ELOA: variants seen among roughly 807,000 people sequenced by gnomAD.
The protein encoded by ELOA is elongin A.
Under a neutral mutation model 85.2 loss-of-function variants are expected in ELOA, and 15 were observed. The observed-to-expected ratio is 0.18, with a 90% CI of 0.12 to 0.27. The LOEUF is 0.27. Ranked by LOEUF, ELOA falls within the 10% of genes least tolerant of loss-of-function variation. The probability of loss-of-function intolerance (pLI) is 1.00; values close to 1 mark genes in which losing one functional copy is unlikely to be tolerated. For missense variants in ELOA, 769 were observed against 952.7 expected (o/e 0.81, Z 2.54); for synonymous variants, 348 against 357.2 (o/e 0.97, Z 0.29).
rs1294615362 is a variant in ELOA at position 23,758,251 on chromosome 1, ATTTATTTATTTTTTTTTTTTT to A, written c.2257+1130_2257+1150del. 2.0e-3 allele frequency among the ~76,000 whole-genome samples: 96 copies of A among 48,566 alleles called. 2 individuals carry two copies. In the East Asian group the frequency reaches 0.033, roughly 17 times the overall value. 31.9% of individuals were successfully genotyped at this position (48,566 alleles called of 152,430 possible). ...TATATCTAATTGGGTCTTCCAATTTATTTATTTATTTTTTTTTTTTTTTTTTTTTTTTTTTTTTTGGAGACA... is the reference window on the plus strand; with the variant it reads ...TATATCTAATTGGGTCTTCCAATTTATTTTTTTTTTTTTTTTTTGGAGACA... On this transcript the variant is annotated intron_variant, in intron 10 of 10. Coordinates refer to ENST00000613537, the MANE Select transcript of ELOA (RefSeq NM_003198.3).
intron 10 of ELOA, among the ~76,000 whole-genome samples, chr1:23,758,421 C>T (rs1164826720): frequency 6.7e-6 from 1 of 148,736 alleles, no homozygotes; most frequent in African/African-American, 2.5e-5. Flanking sequence ...TTACAGGTGC[C>T]CGCCACTAAG....
intron 1 of ELOA, among the ~76,000 whole-genome samples, chr1:23,748,725 T>G (rs1225239473): frequency 1.3e-5 from 2 of 152,206 alleles, no homozygotes; most frequent in African/African-American, 4.8e-5. Context: ...TCAGAGTTGG[T>G]AAGTTTTGAT....
chr1:23,750,135 G>A (rs1274962957), intron 3 of ELOA, among the ~76,000 whole-genome samples, 187 bp downstream of exon 3: 6 of 146,228 alleles, frequency 4.1e-5, no homozygotes, highest in Non-Finnish European at 6.0e-5. Context: ...TTTCTATCAC[G>A]CAAAGACAAA....
At chr1:23,750,774 C>T in intron 3 of ELOA, 71 bp from the exon 4 acceptor site, 1 of 1,409,214 alleles carries the variant, frequency 7.1e-7, no homozygotes, top group Non-Finnish European at 9.5e-7. Context: ...TTGGTGAGTT[C>T]AGATTCTGTG....
Position 23,756,001 on chromosome 1 carries a change from C to T in ELOA, c.1950C>T (p.Phe650=), listed in dbSNP as rs374322858. 33 of 1,612,762 alleles carry T rather than the reference C, an allele frequency of 2.0e-5. No homozygotes were observed. The highest frequency in any genetic ancestry group is 1.6e-4 in the South Asian group (15 of 90,990). The part of the protein sequence containing the change: ...RLRVLTKNIQ[F]AHANKPKGRQ... Reference sequence around the variant, plus strand: ...GAGTACTAACAAAGAATATCCAGTTCGCACATGCCAATAAGCCCAAAGGTA... The same window carrying T: ...GAGTACTAACAAAGAATATCCAGTTTGCACATGCCAATAAGCCCAAAGGTA... The change falls in exon 8 of 11, where the codon TTC becomes TTT. Residue 650 remains phenylalanine, a synonymous_variant. Transcript: ENST00000613537.
At chr1:23,753,174 TA>T (rs1038244541) in intron 5 of ELOA, among the ~76,000 whole-genome samples, 2 of 152,168 alleles carry the variant, frequency 1.3e-5, no homozygotes, top group African/African-American at 4.8e-5. Context: ...ACTATCACCA[TA>T]ACATCAGATT....
chr1:23,754,621 A>G (rs926638979), intron 7 of ELOA, among the ~76,000 whole-genome samples, 161 bp downstream of exon 7: 205 of 152,324 alleles, frequency 1.3e-3, no homozygotes, highest in African/African-American at 4.2e-3. Flanking sequence ...CAAGCATGTT[A>G]TTAGCACTTG....
chr1:23,744,487 C>T (rs1239105190), intron 1 of ELOA, among the ~76,000 whole-genome samples: 1 of 147,184 alleles, frequency 6.8e-6, no homozygotes, highest in East Asian at 2.0e-4. Flanking sequence ...GAGTCTTGCT[C>T]TGGTCGCCCA....
chr1:23,745,345 A>G (rs1403476006), intron 1 of ELOA, among the ~76,000 whole-genome samples: 3 of 151,990 alleles, frequency 2.0e-5, no homozygotes, highest in Non-Finnish European at 4.4e-5. Flanking sequence ...ACTACCCACT[A>G]TTTGTTCTTT....
rs200810978 is a variant in ELOA, at chr1:23,756,057, C to T, written c.1972+34C>T. ...GACGGGAGAGCTGGGGGAGAACTGGCAGGATGAGTGTTCTGGTCAATAGCA... is the reference window on the plus strand; with the variant it reads ...GACGGGAGAGCTGGGGGAGAACTGGTAGGATGAGTGTTCTGGTCAATAGCA... On this transcript the variant is annotated intron_variant, in intron 8 of 10. Transcript: ENST00000613537. 7.9e-5 allele frequency: 127 copies of T among 1,603,466 alleles called. No individual in the cohort carries two copies. In the African/African-American group the frequency reaches 1.6e-3, roughly 21 times the overall value.
Position 23,751,640 on chromosome 1 carries a change from G to A in ELOA, c.1035G>A (p.Leu345=), listed in dbSNP as rs370318231. ...AATTGGACAAAAGCAAGCAAGGTCT[G>A]GACAGCTTTGACACAGGAAAAGGAG... ...KAKLDKSKQG[L]DSFDTGKGAG... Residue 345 remains leucine, a synonymous_variant, in exon 4 of 11, where the codon CTG becomes CTA. Transcript: ENST00000613537. 7 of 1,614,034 alleles carry A rather than the reference G, an allele frequency of 4.3e-6. No homozygotes were observed. The highest frequency in any genetic ancestry group is 5.9e-6 in the Non-Finnish European group (7 of 1,180,036).
At chr1:23,757,643 T>C (rs867926104) in intron 10 of ELOA, among the ~76,000 whole-genome samples, 5 of 151,964 alleles carry the variant, frequency 3.3e-5, no homozygotes, top group Admixed American at 6.6e-5. Context: ...GAACTACAGG[T>C]GCCCACCACC....
At chr1:23,753,230 TG>T (rs1644780374) in intron 5 of ELOA, among the ~76,000 whole-genome samples, 1 of 152,240 alleles carries the variant, frequency 6.6e-6, no homozygotes. Flanking sequence ...TTTGATGGCT[TG>T]GGTTTGAATC....
At chr1:23,755,445 A>T (rs1381581385) in intron 7 of ELOA, among the ~76,000 whole-genome samples, 1 of 152,128 alleles carries the variant, frequency 6.6e-6, no homozygotes. Context: ...AAGACCAAAA[A>T]ATTTTTGGGA....
intron 10 of ELOA, among the ~76,000 whole-genome samples, chr1:23,757,522 G>A (rs967472768): frequency 1.3e-5 from 2 of 152,072 alleles, no homozygotes; most frequent in African/African-American, 4.8e-5. Flanking sequence ...TTTTTGAGAT[G>A]GAGTCTCGCT....
intron 1 of ELOA, 62 bp from the exon 2 acceptor site, chr1:23,748,956 TTAA>T (rs1345760141): frequency 2.9e-6 from 4 of 1,371,758 alleles, no homozygotes; most frequent in Non-Finnish European, 4.2e-6. Context: ...CACTAAGCAC[TTAA>T]TAATCAGATA....
chr1:23,757,470 C>T (rs1338684419), intron 10 of ELOA, among the ~76,000 whole-genome samples: 2 of 152,268 alleles, frequency 1.3e-5, no homozygotes, highest in East Asian at 1.9e-4. Context: ...TAGTGGTACA[C>T]ACCTGTAGTC....
chr1:23,752,198 C>T (rs115932206), intron 4 of ELOA, among the ~76,000 whole-genome samples, 168 bp downstream of exon 4: 4,230 of 152,244 alleles, frequency 0.028, 177 homozygotes, highest in African/African-American at 0.095. Flanking sequence ...TATATGGTAC[C>T]GCAAATAAGA....
intron 10 of ELOA, among the ~76,000 whole-genome samples, chr1:23,758,256 T>TTTTTTC (rs1638235944): frequency 1.8e-5 from 1 of 56,578 alleles, no homozygotes; most frequent in Non-Finnish European, 2.9e-5. Flanking sequence ...AATTTATTTA[T>TTTTTTC]TTATTTTTTT....
Sources: gnomAD v4.1 joint callset for allele counts (sites outside exome capture counted in the v4.1 genomes callset) on GRCh38, gnomAD v4.1.1 for gene constraint, MANE v1.5 for transcripts, NCBI Gene and HGNC (gene_info 2026-07-23, HGNC 2026-07-21) for gene names.